Variants in MYOF observed in about 807,000 individuals in gnomAD.
The protein encoded by MYOF is myoferlin.
Under a neutral mutation model 284.2 loss-of-function variants are expected in MYOF, and 244 were observed. The observed-to-expected ratio is 0.86, with a 90% CI of 0.77 to 0.95. MYOF has a LOEUF of 0.95. MYOF is among the 40% of genes least tolerant of loss of function. MYOF has a pLI of 0.00. For synonymous variants in MYOF, 904 were observed against 919.7 expected (o/e 0.98, Z 0.31); for missense variants, 2,496 against 2,560.6 (o/e 0.97, Z 0.54).
At chr10:93,384,027 T>C (rs932696102) in intron 19 of MYOF, among the ~76,000 whole-genome samples, 7 of 152,032 alleles carry the variant, frequency 4.6e-5, no homozygotes, top group African/African-American at 1.7e-4. Context: ...CTAAAAGCAA[T>C]AGTTTGGGCT....
At chr10:93,425,189 C>A (rs1332441538) in intron 5 of MYOF, among the ~76,000 whole-genome samples, 1 of 152,016 alleles carries the variant, frequency 6.6e-6, no homozygotes, top group Non-Finnish European at 1.5e-5. Context: ...GATTCACCTG[C>A]CTTGGCCTCC....
At chr10:93,399,868 C>T (rs570207065) in intron 12 of MYOF, among the ~76,000 whole-genome samples, 94 of 78,340 alleles carry the variant, frequency 1.2e-3, no homozygotes, top group African/African-American at 3.7e-3. Context: ...AAGACTCCAT[C>T]TCAAAACAAA....
chr10:93,350,027 A>C (rs1172092600), intron 35 of MYOF, 58 bp from the exon 36 acceptor site: 1 of 1,527,954 alleles, frequency 6.5e-7, no homozygotes, highest in Admixed American at 2.0e-5. Context: ...AATAATATTC[A>C]AAAGGAAAAA....
At position 93,362,821 on chromosome 10, in the gene MYOF, T is replaced by C. The variant is rs1003138114; in HGVS notation, c.2868+1140A>G. 2.0e-5 allele frequency among the ~76,000 whole-genome samples: 3 copies of C among 152,302 alleles called. No homozygotes were observed. In the South Asian group the frequency reaches 6.2e-4, roughly 32 times the overall value. On this transcript the variant is annotated intron_variant, in intron 27 of 53. Transcript: ENST00000359263. ...GCGGGATGATGAATATTTAGGCAAA[T>C]GGGCTTCTTGTAATTTTGTTGAAAA...
intron 49 of MYOF, among the ~76,000 whole-genome samples, chr10:93,318,118 G>A (rs1842695940): frequency 6.6e-6 from 1 of 152,184 alleles, no homozygotes; most frequent in African/African-American, 2.4e-5. Context: ...CCATCTGAAA[G>A]TGTGCATTTT....
At chr10:93,369,043 T>C (rs1028347624) in intron 25 of MYOF, among the ~76,000 whole-genome samples, 4 of 150,384 alleles carry the variant, frequency 2.7e-5, no homozygotes, top group Non-Finnish European at 4.4e-5. Context: ...TTTCATTAAC[T>C]ACATGGATTT....
At chr10:93,457,071 G>C (rs910399815) in intron 1 of MYOF, 134 bp from the exon 2 acceptor site, 8 of 630,384 alleles carry the variant, frequency 1.3e-5, no homozygotes, top group Admixed American at 6.2e-5. Context: ...CTTAGGATGG[G>C]TGTTTACCTG....
chr10:93,474,777 A>C (rs2057223703), intron 1 of MYOF, among the ~76,000 whole-genome samples: 1 of 146,752 alleles, frequency 6.8e-6, no homozygotes, highest in Non-Finnish European at 1.5e-5. Flanking sequence ...ATGAAGTTTC[A>C]CTCTTGTTGC....
At chr10:93,326,778 C>T (rs535568754) in intron 45 of MYOF, among the ~76,000 whole-genome samples, 1 of 152,104 alleles carries the variant, frequency 6.6e-6, no homozygotes, top group African/African-American at 2.4e-5. Context: ...GCATGTGCCA[C>T]CACACGCAGC....
intron 16 of MYOF, among the ~76,000 whole-genome samples, chr10:93,393,344 G>A (rs1846794747): frequency 6.6e-6 from 1 of 152,202 alleles, no homozygotes; most frequent in South Asian, 2.1e-4. Context: ...GTCTGAGGCT[G>A]TGTAAGCAAA....
intron 2 of MYOF, among the ~76,000 whole-genome samples, chr10:93,454,418 C>T (rs562261326): frequency 5.3e-5 from 8 of 152,234 alleles, no homozygotes; most frequent in South Asian, 4.2e-4. Flanking sequence ...CCATTGGTCA[C>T]GTGGCTTGAT....
chr10:93,480,874 G>A (rs1056753763), intron 1 of MYOF, among the ~76,000 whole-genome samples: 4 of 152,176 alleles, frequency 2.6e-5, no homozygotes, highest in African/African-American at 9.7e-5. Flanking sequence ...ACAGAAAGGC[G>A]AAAGGTATAG....
At chr10:93,456,477 C>T (rs529641125) in intron 2 of MYOF, among the ~76,000 whole-genome samples, 52 of 152,206 alleles carry the variant, frequency 3.4e-4, no homozygotes, top group Non-Finnish European at 6.0e-4. Context: ...TCATGTGATA[C>T]ACTCTTGATT....
At chr10:93,408,981 G>A in intron 6 of MYOF, 66 bp from the exon 7 acceptor site, 9 of 1,599,464 alleles carry the variant, frequency 5.6e-6, no homozygotes, top group South Asian at 2.2e-5. Flanking sequence ...GGATCCTCAG[G>A]TGTTGCTTCA....
chr10:93,392,842 G>T, intron 17 of MYOF, 75 bp downstream of exon 17: 1 of 1,379,186 alleles, frequency 7.3e-7, no homozygotes, highest in Non-Finnish European at 1.0e-6. Flanking sequence ...AAGTTCTAAA[G>T]ACAGTCGATA....
At chr10:93,434,430 C>CAAA (rs71031508) in intron 3 of MYOF, among the ~76,000 whole-genome samples, 13 of 124,382 alleles carry the variant, frequency 1.0e-4, no homozygotes, top group South Asian at 2.6e-4. Flanking sequence ...GACCCTGTCT[C>CAAA]AAAAAAAAAA....
At chr10:93,316,495 G>C (rs1488652534) in intron 50 of MYOF, among the ~76,000 whole-genome samples, 1 of 152,034 alleles carries the variant, frequency 6.6e-6, no homozygotes, top group Non-Finnish European at 1.5e-5. Context: ...ACAGGAGCTG[G>C]TGCAAGACCC....
chr10:93,472,273 T>C (rs566983800), intron 1 of MYOF, among the ~76,000 whole-genome samples: 1 of 152,248 alleles, frequency 6.6e-6, no homozygotes, highest in East Asian at 1.9e-4. Context: ...AAAAGAAGTG[T>C]TGTCAAGGCT....
rs566833532 is a variant in MYOF at position 93,352,307 on chromosome 10, G to A, written c.3482-461C>T. On this transcript the variant is annotated intron_variant, in intron 32 of 53. Transcript: ENST00000359263. Reference sequence around the variant, plus strand: ...GAGAGGATGAAATGATATAAGGAATGTTAGCTATTTGGGACAGAGCCTGTC... The same window carrying A: ...GAGAGGATGAAATGATATAAGGAATATTAGCTATTTGGGACAGAGCCTGTC... Among the ~76,000 whole-genome samples, 35 of 152,346 alleles carry A rather than the reference G, an allele frequency of 2.3e-4. No homozygotes were observed. In the South Asian group the frequency reaches 7.2e-3, roughly 32 times the overall value.
Sources: allele counts gnomAD v4.1 joint callset (sites outside exome capture counted in the v4.1 genomes callset), GRCh38; gene constraint gnomAD v4.1.1; transcripts MANE v1.5; gene names NCBI Gene and HGNC (gene_info 2026-07-23, HGNC 2026-07-21).